CRADD: variants seen among roughly 807,000 people sequenced by gnomAD.
CRADD encodes CARD and death domain containing adaptor protein.
Under a neutral mutation model 15.5 loss-of-function variants are expected in CRADD, and 9 were observed. The observed-to-expected ratio is 0.58, with a 90% confidence interval of 0.35 to 1.01. The LOEUF is 1.01. Among genes scored for constraint, CRADD ranks in the 50% least tolerant of loss-of-function variants. CRADD has a pLI of 0.02. For missense variants in CRADD, 227 were observed against 250.3 expected (o/e 0.91, Z 0.63); for synonymous variants, 118 against 107.6 (o/e 1.10, Z -0.60).
chr12:93,726,102 T>G (rs1159033117), intron 2 of CRADD, among the ~76,000 whole-genome samples: 20 of 136,320 alleles, frequency 1.5e-4, no homozygotes, highest in Non-Finnish European at 7.5e-5. Flanking sequence ...TAGTTTTTTT[T>G]TTTTTTTTTT....
intron 2 of CRADD, among the ~76,000 whole-genome samples, chr12:93,748,576 G>A (rs1243843699): frequency 6.6e-6 from 1 of 152,150 alleles, no homozygotes; most frequent in Non-Finnish European, 1.5e-5. Flanking sequence ...CTAAGTGTTG[G>A]GATTACAGGC....
rs772384479 is a variant in CRADD at position 93,690,033 on chromosome 12, T to C, written c.298+10961T>C. Among the ~76,000 whole-genome samples, 114 of 152,216 alleles carry C rather than the reference T, an allele frequency of 7.5e-4. 4 individuals carry two copies. Among genetic ancestry groups the C allele is most frequent in the Non-Finnish European group, 3.4e-4 (23 of 68,040 alleles). ...TAAAAATAGGAATTTCTCTGAAATA[T>C]ATTGGGTAGTTCACAACTTTGAAGG... On this transcript the variant is annotated intron_variant, in intron 2 of 2. Transcript: ENST00000332896.
At chr12:93,833,516 T>C (rs1957934049) in intron 2 of CRADD, among the ~76,000 whole-genome samples, 1 of 152,086 alleles carries the variant, frequency 6.6e-6, no homozygotes, top group South Asian at 2.1e-4. Flanking sequence ...TTTTTTATTT[T>C]TATTTTTGTA....
At chr12:93,874,502 A>G (rs972683508) in intron 2 of CRADD, among the ~76,000 whole-genome samples, 1 of 151,358 alleles carries the variant, frequency 6.6e-6, no homozygotes, top group Admixed American at 6.6e-5. Flanking sequence ...TTGCTTTTCT[A>G]GTTCTTTAAG....
At chr12:93,880,941 T>A (rs11837936) in intron 2 of CRADD, among the ~76,000 whole-genome samples, 10,802 of 152,280 alleles carry the variant, frequency 0.071, 498 homozygotes, top group East Asian at 0.18. Context: ...AAATAAGAAC[T>A]AACACCTCAC....
chr12:93,788,673 G>A (rs1357747324), intron 2 of CRADD, among the ~76,000 whole-genome samples: 2 of 152,192 alleles, frequency 1.3e-5, no homozygotes, highest in African/African-American at 2.4e-5. Flanking sequence ...ACCTGAGAAC[G>A]CTGTCTGGTG....
At chr12:93,679,211 G>T (rs1004188511) in intron 2 of CRADD, 139 bp downstream of exon 2, 1 of 662,646 alleles carries the variant, frequency 1.5e-6, no homozygotes, top group African/African-American at 1.8e-5. Context: ...GTGTGATCTC[G>T]GCTCACTGCA....
At chr12:93,814,694 C>T (rs1485793744) in intron 2 of CRADD, among the ~76,000 whole-genome samples, 1 of 152,158 alleles carries the variant, frequency 6.6e-6, no homozygotes, top group Non-Finnish European at 1.5e-5. Flanking sequence ...TCGCCTGCCA[C>T]CAACTCTCTG....
At chr12:93,739,836 C>T (rs755330578) in intron 2 of CRADD, among the ~76,000 whole-genome samples, 1 of 152,114 alleles carries the variant, frequency 6.6e-6, no homozygotes, top group Non-Finnish European at 1.5e-5. Flanking sequence ...CATTAATAAT[C>T]ATTGTGGAGC....
intron 2 of CRADD, among the ~76,000 whole-genome samples, chr12:93,699,810 A>G (rs1955798895): frequency 6.6e-6 from 1 of 152,330 alleles, no homozygotes; most frequent in Non-Finnish European, 1.5e-5. Flanking sequence ...GGGCTCTAAA[A>G]GGTATCAAAA....
intron 2 of CRADD, among the ~76,000 whole-genome samples, chr12:93,734,005 C>G (rs149508192): frequency 6.6e-6 from 1 of 152,056 alleles, no homozygotes; most frequent in African/African-American, 2.4e-5. Context: ...CCAAGGTGCT[C>G]GGATTACAGG....
intron 2 of CRADD, among the ~76,000 whole-genome samples, chr12:93,737,997 G>T (rs899452367): frequency 6.6e-6 from 1 of 152,088 alleles, no homozygotes; most frequent in Admixed American, 6.6e-5. Context: ...TATTTAGGAG[G>T]CTGAGAAGGG....
intron 2 of CRADD, among the ~76,000 whole-genome samples, chr12:93,810,673 C>A (rs562523111): frequency 1.3e-5 from 2 of 150,254 alleles, no homozygotes; most frequent in South Asian, 4.2e-4. Context: ...TTACTCCTAG[C>A]CTCCTTGTGA....
intron 2 of CRADD, among the ~76,000 whole-genome samples, chr12:93,782,898 A>G (rs964563084): frequency 6.6e-6 from 1 of 152,208 alleles, no homozygotes; most frequent in Non-Finnish European, 1.5e-5. Flanking sequence ...ATAGGGAAAT[A>G]CGTGAAATCA....
intron 2 of CRADD, among the ~76,000 whole-genome samples, chr12:93,830,729 G>A (rs1185302234): frequency 2.0e-5 from 3 of 152,100 alleles, no homozygotes; most frequent in African/African-American, 4.8e-5. Context: ...TACTGACTGA[G>A]CTCCACAGTA....
chr12:93,863,450 A>G (rs1279275884), intron 2 of CRADD, among the ~76,000 whole-genome samples: 1 of 152,088 alleles, frequency 6.6e-6, no homozygotes, highest in African/African-American at 2.4e-5. Flanking sequence ...ATTCTACTTC[A>G]AAAATACCCG....
chr12:93,838,542 C>T (rs1466258024), intron 2 of CRADD, among the ~76,000 whole-genome samples: 1 of 147,474 alleles, frequency 6.8e-6, no homozygotes, highest in Non-Finnish European at 1.5e-5. Flanking sequence ...TCCCTTCCTC[C>T]CTTGCTTCTC....
At chr12:93,701,947 C>CCTCATCT (rs1185428648) in intron 2 of CRADD, among the ~76,000 whole-genome samples, 2 of 152,068 alleles carry the variant, frequency 1.3e-5, no homozygotes, top group East Asian at 3.8e-4. Flanking sequence ...TCCACATTCT[C>CCTCATCT]CTCATCTGGG....
chr12:93,819,495 A>G (rs1427394415), intron 2 of CRADD, among the ~76,000 whole-genome samples: 1 of 152,268 alleles, frequency 6.6e-6, no homozygotes, highest in Non-Finnish European at 1.5e-5. Flanking sequence ...TCAAATTCTG[A>G]TTAAACATCT....
Sources: gnomAD v4.1 joint callset for allele counts (sites outside exome capture counted in the v4.1 genomes callset) on GRCh38, gnomAD v4.1.1 for gene constraint, MANE v1.5 for transcripts, NCBI Gene and HGNC (gene_info 2026-07-23, HGNC 2026-07-21) for gene names.